The following DPP10 variants were observed in gnomAD, a reference collection of about 807,000 sequenced individuals.
DPP10 encodes the protein inactive dipeptidyl peptidase 10.
In DPP10, 33 loss-of-function variants were observed where a neutral mutation model predicts 120.9. That is an observed-to-expected ratio of 0.27 (90% CI 0.21 to 0.37). The LOEUF is 0.37. Ranked by LOEUF, DPP10 falls within the 10% of genes least tolerant of loss-of-function variation. The probability of loss-of-function intolerance (pLI) is 1.00; values close to 1 mark genes in which losing one functional copy is unlikely to be tolerated. For missense variants in DPP10, 816 were observed against 942.8 expected (o/e 0.87, Z 1.76); for synonymous variants, 337 against 326.1 (o/e 1.03, Z -0.36).
intron 1 of DPP10, among the ~76,000 whole-genome samples, chr2:114,479,125 TA>T (rs1323746789): frequency 6.6e-6 from 1 of 151,650 alleles, no homozygotes; most frequent in Non-Finnish European, 1.5e-5. Context: ...AGAAATCAAA[TA>T]AAATGTAAAT....
In DPP10 at chr2:114,495,648, G is replaced by T. The variant is rs548155712; in HGVS notation, c.60+52810G>T. Among the ~76,000 whole-genome samples the T allele has an allele frequency of 2.0e-5, 3 of 152,262 alleles. No homozygotes were observed. In the East Asian group the frequency reaches 5.8e-4, roughly 29 times the overall value. ...TTTATCCTCTGTAAGTATGCCAAAA[G>T]AATCTACTTGGTCTCAGGTGTTGCC... On this transcript the variant is annotated intron_variant, in intron 1 of 25. Transcript: ENST00000410059.
At chr2:115,506,133 T>C (rs764972429) in intron 4 of DPP10, among the ~76,000 whole-genome samples, 14 of 152,104 alleles carry the variant, frequency 9.2e-5, no homozygotes, top group Admixed American at 2.0e-4. Context: ...TCTTTCAGAA[T>C]ACTTCAGTCT....
intron 8 of DPP10, among the ~76,000 whole-genome samples, chr2:115,735,675 G>A (rs1258339663): frequency 7.6e-6 from 1 of 131,740 alleles, no homozygotes; most frequent in Non-Finnish European, 1.6e-5. Context: ...TGCCCACCAC[G>A]CCCAGCTAAT....
At chr2:115,632,700 C>T (rs2085978686) in intron 5 of DPP10, among the ~76,000 whole-genome samples, 1 of 152,068 alleles carries the variant, frequency 6.6e-6, no homozygotes, top group South Asian at 2.1e-4. Context: ...GGGCTAATGT[C>T]CAGAATCTAT....
At chr2:114,589,215 A>G (rs1691255804) in intron 1 of DPP10, among the ~76,000 whole-genome samples, 2 of 152,108 alleles carry the variant, frequency 1.3e-5, no homozygotes, top group African/African-American at 2.4e-5. Flanking sequence ...CAAAGGAAAA[A>G]GCCCCTCAAG....
intron 3 of DPP10, among the ~76,000 whole-genome samples, chr2:115,384,471 A>AGAAGAAG (rs2066713051): frequency 7.2e-5 from 1 of 13,958 alleles, no homozygotes; most frequent in Non-Finnish European, 2.3e-4. Context: ...AGAAGAAGGA[A>AGAAGAAG]GAAGAAGGAA....
At chr2:114,748,338 C>CTT (rs1255227047) in intron 1 of DPP10, among the ~76,000 whole-genome samples, 4,102 of 69,986 alleles carry the variant, frequency 0.059, 443 homozygotes, top group Non-Finnish European at 0.086. Flanking sequence ...AGGGAATTTT[C>CTT]TTTTTTTTTT....
At chr2:114,632,272 G>A (rs1213988088) in intron 1 of DPP10, among the ~76,000 whole-genome samples, 1 of 151,872 alleles carries the variant, frequency 6.6e-6, no homozygotes, top group Non-Finnish European at 1.5e-5. Flanking sequence ...TAATTCTGTG[G>A]TTGGGGAATT....
chr2:115,786,908 G>A (rs1265670062), intron 17 of DPP10, among the ~76,000 whole-genome samples: 1 of 152,192 alleles, frequency 6.6e-6, no homozygotes, highest in Non-Finnish European at 1.5e-5. Flanking sequence ...ATACCTAGCT[G>A]AGTATGCATA....
intron 1 of DPP10, among the ~76,000 whole-genome samples, chr2:115,256,720 C>A (rs190938598): frequency 6.6e-6 from 1 of 152,276 alleles, no homozygotes; most frequent in African/African-American, 2.4e-5. Flanking sequence ...GCTTCACAGC[C>A]CACTTGGATT....
intron 1 of DPP10, among the ~76,000 whole-genome samples, chr2:115,271,233 AC>A (rs1314616717): frequency 3.3e-5 from 5 of 152,188 alleles, no homozygotes; most frequent in Non-Finnish European, 5.9e-5. Flanking sequence ...ATAAATGTTA[AC>A]CTTATTCTGT....
intron 1 of DPP10, among the ~76,000 whole-genome samples, chr2:115,106,798 G>A (rs563358423): frequency 3.3e-5 from 5 of 152,128 alleles, no homozygotes; most frequent in Non-Finnish European, 7.4e-5. Flanking sequence ...AAACCGGGCC[G>A]GGCGCGGTGG....
intron 3 of DPP10, among the ~76,000 whole-genome samples, chr2:115,450,883 A>G (rs1324189656): frequency 1.3e-5 from 2 of 151,942 alleles, no homozygotes; most frequent in Non-Finnish European, 1.5e-5. Context: ...GATTCTCAAA[A>G]TAGGAGATAA....
At chr2:115,255,517 C>G (rs543645415) in intron 1 of DPP10, among the ~76,000 whole-genome samples, 15 of 152,182 alleles carry the variant, frequency 9.9e-5, no homozygotes, top group Admixed American at 2.6e-4. Flanking sequence ...CTGTAACCAG[C>G]TTTAATTTCT....
intron 1 of DPP10, among the ~76,000 whole-genome samples, chr2:115,125,167 C>T (rs1335183091): frequency 6.6e-6 from 1 of 152,056 alleles, no homozygotes; most frequent in Non-Finnish European, 1.5e-5. Flanking sequence ...ATCCAAAGGT[C>T]TAGAATTCAA....
At chr2:115,667,893 A>G (rs1366893776) in intron 5 of DPP10, among the ~76,000 whole-genome samples, 1 of 151,878 alleles carries the variant, frequency 6.6e-6, no homozygotes, top group African/African-American at 2.4e-5. Flanking sequence ...ATATGTCCCA[A>G]CTTGTCCACT....
At chr2:114,918,648 T>C (rs1441863323) in intron 1 of DPP10, among the ~76,000 whole-genome samples, 11 of 152,132 alleles carry the variant, frequency 7.2e-5, no homozygotes. Flanking sequence ...TCTGCAGCAA[T>C]GTGGATGTCC....
intron 1 of DPP10, among the ~76,000 whole-genome samples, chr2:114,963,100 C>A (rs1012928241): frequency 6.6e-6 from 1 of 152,160 alleles, no homozygotes; most frequent in Non-Finnish European, 1.5e-5. Flanking sequence ...AAACAAAATT[C>A]ATGGATTATC....
chr2:115,299,935 T>A (rs538683373), intron 1 of DPP10, among the ~76,000 whole-genome samples: 1 of 152,088 alleles, frequency 6.6e-6, no homozygotes, highest in African/African-American at 2.4e-5. Context: ...CTTTACCACA[T>A]TGAATTTTCC....
Sources: gnomAD v4.1 joint callset for allele counts (sites outside exome capture counted in the v4.1 genomes callset) on GRCh38, gnomAD v4.1.1 for gene constraint, MANE v1.5 for transcripts, NCBI Gene and HGNC (gene_info 2026-07-23, HGNC 2026-07-21) for gene names.